The following KLHL14 variants were observed in gnomAD, a reference collection of about 807,000 sequenced individuals.
The protein encoded by KLHL14 is kelch like family member 14.
Under a neutral mutation model 64.3 loss-of-function variants are expected in KLHL14, and 22 were observed. The observed-to-expected ratio is 0.34, with a 90% CI of 0.24 to 0.49. KLHL14 has a LOEUF of 0.49. Among genes scored for constraint, KLHL14 ranks in the 20% least tolerant of loss-of-function variants. KLHL14 has a pLI of 0.99. For missense variants in KLHL14, 661 were observed against 789.0 expected (o/e 0.84, Z 1.94); for synonymous variants, 322 against 333.4 (o/e 0.97, Z 0.37).
intron 1 of KLHL14, among the ~76,000 whole-genome samples, chr18:32,771,777 A>C (rs1454309863): frequency 6.5e-5 from 1 of 15,446 alleles, no homozygotes; most frequent in South Asian, 1.9e-3. Flanking sequence ...GTGTTGGGGG[A>C]GGGGTGGGGG....
chr18:32,687,738 T>C (rs80354473), intron 4 of KLHL14, among the ~76,000 whole-genome samples: 2 of 152,124 alleles, frequency 1.3e-5, no homozygotes, highest in East Asian at 3.9e-4. Flanking sequence ...TTTAGAGAAG[T>C]TTTAGGTTCA....
chr18:32,736,838 G>A (rs9948311), intron 3 of KLHL14, among the ~76,000 whole-genome samples: 3,804 of 152,016 alleles, frequency 0.025, 113 homozygotes, highest in African/African-American at 0.065. Context: ...TCACTTCTAG[G>A]AAAGCTTTCC....
At chr18:32,768,155 C>T (rs1013975912) in intron 2 of KLHL14, among the ~76,000 whole-genome samples, 4 of 152,024 alleles carry the variant, frequency 2.6e-5, no homozygotes, top group Non-Finnish European at 4.4e-5. Flanking sequence ...TAAAAGCACA[C>T]GGGGATTTGG....
At chr18:32,682,604 C>T (rs542216367) in intron 5 of KLHL14, among the ~76,000 whole-genome samples, 1 of 152,046 alleles carries the variant, frequency 6.6e-6, no homozygotes, top group Non-Finnish European at 1.5e-5. Flanking sequence ...GTATGAGGGA[C>T]TAAAAACTCA....
chr18:32,676,561 C>T (rs765991110), intron 8 of KLHL14, among the ~76,000 whole-genome samples: 1 of 152,020 alleles, frequency 6.6e-6, no homozygotes, highest in Non-Finnish European at 1.5e-5. Context: ...AAGGTAAATA[C>T]TGAAGCATTT....
At chr18:32,748,105 G>T (rs909110795) in intron 2 of KLHL14, among the ~76,000 whole-genome samples, 1 of 152,202 alleles carries the variant, frequency 6.6e-6, no homozygotes, top group African/African-American at 2.4e-5. Context: ...AATCTTTGAG[G>T]CAGAGTAGCC....
intron 3 of KLHL14, among the ~76,000 whole-genome samples, chr18:32,701,480 G>A (rs933718614): frequency 1.3e-5 from 2 of 152,174 alleles, no homozygotes; most frequent in African/African-American, 4.8e-5. Context: ...TGTGTTGTGA[G>A]CACCTTGGAT....
chr18:32,721,462 CTG>C (rs2050079627), intron 3 of KLHL14, among the ~76,000 whole-genome samples: 1 of 152,132 alleles, frequency 6.6e-6, no homozygotes, highest in Admixed American at 6.5e-5. Flanking sequence ...GACTTTCAAA[CTG>C]GAATTATTTT....
chr18:32,688,563 A>T (rs1598549330), intron 4 of KLHL14, among the ~76,000 whole-genome samples: 1 of 152,218 alleles, frequency 6.6e-6, no homozygotes, highest in South Asian at 2.1e-4. Context: ...AGCCATGCAA[A>T]TATCTGCAGA....
At chr18:32,771,871 T>A (rs1194408555) in intron 1 of KLHL14, among the ~76,000 whole-genome samples, 1 of 151,698 alleles carries the variant, frequency 6.6e-6, no homozygotes, top group Non-Finnish European at 1.5e-5. Context: ...CAGCCGCAGC[T>A]CCCTTCTGAC....
At chr18:32,685,986 T>C (rs1240243293) in intron 5 of KLHL14, among the ~76,000 whole-genome samples, 2 of 151,568 alleles carry the variant, frequency 1.3e-5, no homozygotes, top group African/African-American at 4.8e-5. Flanking sequence ...AGAGAAAGAA[T>C]GCTGCTGCTG....
chr18:32,708,513 C>A (rs1035005418), intron 3 of KLHL14, among the ~76,000 whole-genome samples: 7 of 152,182 alleles, frequency 4.6e-5, no homozygotes, highest in African/African-American at 1.7e-4. Flanking sequence ...ACACTACATT[C>A]TTCTGCTGTC....
intron 2 of KLHL14, among the ~76,000 whole-genome samples, chr18:32,760,333 CAG>C (rs2050307181): frequency 9.8e-6 from 1 of 102,450 alleles, no homozygotes. Flanking sequence ...TGTGTACACA[CAG>C]ACATACACAC....
intron 2 of KLHL14, chr18:32,745,243 TATTC>T (rs2050218637): frequency 6.6e-6 from 1 of 152,244 alleles, no homozygotes; most frequent in African/African-American, 2.4e-5. Context: ...AATCTTGTGT[TATTC>T]AGTTTTCCAA....
chr18:32,737,997 T>A (rs1440945674), intron 3 of KLHL14: 1 of 152,180 alleles, frequency 6.6e-6, no homozygotes, highest in African/African-American at 2.4e-5. Flanking sequence ...TTAAAGTCCC[T>A]CTTTTCTGTT....
At chr18:32,760,266 C>T (rs1025408818) in intron 2 of KLHL14, among the ~76,000 whole-genome samples, 2 of 151,976 alleles carry the variant, frequency 1.3e-5, no homozygotes, top group Admixed American at 1.3e-4. Context: ...AAAAACACAT[C>T]TCAGAAATCA....
intron 3 of KLHL14, among the ~76,000 whole-genome samples, chr18:32,741,502 T>C (rs2050197223): frequency 6.6e-6 from 1 of 152,184 alleles, no homozygotes; most frequent in Non-Finnish European, 1.5e-5. Flanking sequence ...TGAGCAAAAA[T>C]GCCTAAAAAG....
intron 3 of KLHL14, among the ~76,000 whole-genome samples, chr18:32,715,672 G>T (rs1475433806): frequency 6.6e-6 from 1 of 152,086 alleles, no homozygotes; most frequent in South Asian, 2.1e-4. Context: ...AGGAATACAC[G>T]TATATTTAAA....
At chr18:32,738,972 A>C (rs1048226962) in intron 3 of KLHL14, among the ~76,000 whole-genome samples, 16 of 152,100 alleles carry the variant, frequency 1.1e-4, no homozygotes, top group African/African-American at 3.9e-4. Flanking sequence ...GTATCTGTGC[A>C]CCTGCCTGTA....
Sources: allele counts gnomAD v4.1 joint callset (sites outside exome capture counted in the v4.1 genomes callset), GRCh38; gene constraint gnomAD v4.1.1; transcripts MANE v1.5; gene names NCBI Gene and HGNC (gene_info 2026-07-23, HGNC 2026-07-21).